The following SEC24B variants were observed in gnomAD, a reference collection of about 807,000 sequenced individuals.
The protein encoded by SEC24B is protein transport protein Sec24B.
SEC24B carries 45 observed loss-of-function variants against 142.8 expected under a neutral mutation model. The observed-to-expected ratio is 0.32, with a 90% CI of 0.25 to 0.40. The LOEUF is 0.40. Ranked by LOEUF, SEC24B falls within the 10% of genes least tolerant of loss-of-function variation. SEC24B has a pLI of 1.00. For missense variants in SEC24B, 1,409 were observed against 1,526.8 expected (o/e 0.92, Z 1.29); for synonymous variants, 574 against 568.2 (o/e 1.01, Z -0.15).
rs1364748887 is a variant in SEC24B, at chr4:109,530,383, C to T, written c.3171C>T (p.Val1057=). Residue 1057 remains valine, a synonymous_variant, in exon 19 of 24, where the codon GTC becomes GTT. Coordinates refer to ENST00000265175, the MANE Select transcript of SEC24B (RefSeq NM_006323.5). ...CATTGTCTGCATATGGCTCAACTGT[C>T]TCAAATTTACAGCACTCTGCATTGA... ...VDSLSAYGST[V]SNLQHSALMA... is the part of the protein sequence containing the mutation. 5 of 1,614,134 alleles carry T rather than the reference C, an allele frequency of 3.1e-6. No homozygotes were observed. In the African/African-American group the frequency reaches 6.7e-5, roughly 22 times the overall value.
rs561827040 is a variant in SEC24B at position 109,473,098 on chromosome 4, C to G, written c.972C>G (p.Ser324=). The G allele has an allele frequency of 6.9e-6, 11 of 1,601,878 alleles. No homozygotes were observed. Among genetic ancestry groups the G allele is most frequent in the East Asian group, 2.3e-5 (1 of 43,818 alleles). The change falls in exon 3 of 24, where the codon TCC becomes TCG. Residue 324 remains serine (S), a synonymous_variant. Coordinates refer to ENST00000265175, the MANE Select transcript of SEC24B (RefSeq NM_006323.5). ...CTGTTTTATCAGGATCCTCAGGATC[C>G]TCATCAACAAGAACACCTCCCACTG... ...VSTVLSGSSG[S]SSTRTPPTAN... is the part of the protein sequence containing the mutation.
chr4:109,491,350 A>T lies in SEC24B; in HGVS notation c.1189A>T (p.Ser397Cys). Residue 397 changes from serine to cysteine, a missense_variant, in exon 5 of 24, where the codon AGC becomes TGC. This residue lies in a region of SEC24B where 709 missense variants were observed against 673.5 expected (regional missense o/e 1.05). Transcript: ENST00000265175. ...EAGVDSSSTT[S>C]SASPMPNSYD... ...AGGTGTTGACAGCTCTTCTACCACA[A>T]GCAGTGCTTCTCCAATGCCCAACAG... 1.9e-6 allele frequency: 3 copies of T among 1,613,674 alleles called. No homozygotes were observed. Among genetic ancestry groups the T allele is most frequent in the Non-Finnish European group, 2.5e-6 (3 of 1,179,664 alleles).
At chr4:109,519,030 C>T (rs1216821239) in intron 11 of SEC24B, among the ~76,000 whole-genome samples, 1 of 152,074 alleles carries the variant, frequency 6.6e-6, no homozygotes, top group Non-Finnish European at 1.5e-5. Flanking sequence ...TGATCTCGAA[C>T]TCCTGAGCTC....
chr4:109,510,110 C>T lies in SEC24B; in HGVS notation c.1775C>T (p.Thr592Met), dbSNP rs765853169. 29 of 1,548,132 alleles carry T rather than the reference C, an allele frequency of 1.9e-5. No individual in the cohort carries two copies. The highest frequency in any genetic ancestry group is 4.6e-5 in the East Asian group (2 of 43,628). The change falls in exon 8 of 24, where the codon ACG becomes ATG. Residue 592 changes from threonine (T) to methionine (M), a missense_variant and splice_region_variant. Physicochemically the swap from Thr to Met is moderately conservative, Grantham distance 81. Transcript: ENST00000265175. ...GLLLHPFRDLTQLPVITSNTI... is the reference protein window; with the variant it reads ...GLLLHPFRDLMQLPVITSNTI... ...TTGTTACATCCCTTCAGAGACCTAA[C>T]GGTAAAGTAACATTTTATAATATTT...
intron 1 of SEC24B, among the ~76,000 whole-genome samples, chr4:109,439,665 C>G (rs550857825): frequency 2.7e-5 from 4 of 150,234 alleles, no homozygotes; most frequent in African/African-American, 9.7e-5. Context: ...CCATGCCTGG[C>G]TAATTTTGTA....
intron 5 of SEC24B, among the ~76,000 whole-genome samples, chr4:109,492,232 G>A (rs1735095404): frequency 6.6e-6 from 1 of 151,016 alleles, no homozygotes; most frequent in African/African-American, 2.4e-5. Context: ...GCTCAGTATG[G>A]AATTCCCTTG....
intron 1 of SEC24B, among the ~76,000 whole-genome samples, chr4:109,457,660 G>C (rs955661236): frequency 6.6e-6 from 1 of 152,012 alleles, no homozygotes; most frequent in Admixed American, 6.5e-5. Context: ...TAGCAGTCAT[G>C]CTCCTTCTGT....
intron 16 of SEC24B, 147 bp from the exon 17 acceptor site, chr4:109,526,076 ATTT>A: frequency 1.5e-6 from 1 of 684,014 alleles, no homozygotes; most frequent in Non-Finnish European, 2.4e-6. Flanking sequence ...TTGAATTAAT[ATTT>A]TAGAAACTCT....
At chr4:109,499,488 C>T (rs1407005010) in intron 6 of SEC24B, among the ~76,000 whole-genome samples, 2 of 152,032 alleles carry the variant, frequency 1.3e-5, no homozygotes, top group Admixed American at 6.6e-5. Context: ...AAAAAAAAAT[C>T]CTTGTGTGTG....
intron 11 of SEC24B, among the ~76,000 whole-genome samples, chr4:109,517,861 A>G (rs1332247948): frequency 6.6e-6 from 1 of 152,194 alleles, no homozygotes; most frequent in Non-Finnish European, 1.5e-5. Flanking sequence ...TGATGACAGA[A>G]TGAGCTGGTT....
chr4:109,463,064 A>T lies in SEC24B; in HGVS notation c.297A>T (p.Thr99=), dbSNP rs776730930. The T allele has an allele frequency of 6.2e-7, 1 of 1,614,166 alleles. No individual in the cohort carries two copies. Among genetic ancestry groups the T allele is most frequent in the East Asian group, 2.2e-5 (1 of 44,882 alleles). Residue 99 remains threonine (T), a synonymous_variant, in exon 2 of 24, where the codon ACA becomes ACT. Transcript: ENST00000265175. Reference sequence around the variant, plus strand: ...ACTCTGCTCTCTATACAGTACCAACACAAAATGTGACTCCTAACACAGTGA... The same window carrying T: ...ACTCTGCTCTCTATACAGTACCAACTCAAAATGTGACTCCTAACACAGTGA... ...DYYSALYTVP[T]QNVTPNTVNQ... is the part of the protein sequence containing the mutation.
At chr4:109,442,869 C>T (rs1019556656) in intron 1 of SEC24B, among the ~76,000 whole-genome samples, 1 of 152,084 alleles carries the variant, frequency 6.6e-6, no homozygotes, top group Non-Finnish European at 1.5e-5. Context: ...TTATATTACT[C>T]ATTTATCAAT....
chr4:109,481,423 A>C lies in SEC24B; in HGVS notation c.1061-254A>C, dbSNP rs78170729. Among the ~76,000 whole-genome samples the C allele has an allele frequency of 1.6e-3, 241 of 152,292 alleles. 3 individuals carry two copies. In the East Asian group the frequency reaches 0.041, roughly 26 times the overall value. On this transcript the variant is annotated intron_variant, in intron 3 of 23. Transcript: ENST00000265175. Reference sequence around the variant, plus strand: ...TATTATTGCAGCTTCCTAAATACTAACTGTTTTGGACAATACATGATAGAT... The same window carrying C: ...TATTATTGCAGCTTCCTAAATACTACCTGTTTTGGACAATACATGATAGAT...
At chr4:109,535,213 T>A (rs978068431) in intron 22 of SEC24B, among the ~76,000 whole-genome samples, 9 of 152,316 alleles carry the variant, frequency 5.9e-5, no homozygotes, top group African/African-American at 2.2e-4. Context: ...TTTAACTGTT[T>A]GAGGAACTGC....
chr4:109,531,237 A>G (rs1240338698), intron 19 of SEC24B, 148 bp from the exon 20 acceptor site: 5 of 632,878 alleles, frequency 7.9e-6, no homozygotes, highest in Non-Finnish European at 1.3e-5. Context: ...AGCATCACAT[A>G]CCTATTAAAT....
intron 4 of SEC24B, among the ~76,000 whole-genome samples, 198 bp from the exon 5 acceptor site, chr4:109,491,129 T>C (rs1022626880): frequency 1.3e-5 from 2 of 152,164 alleles, no homozygotes; most frequent in Admixed American, 1.3e-4. Context: ...CAGCTTCATA[T>C]TCTCTCCACT....
At chr4:109,504,996 A>G (rs1736534773) in intron 6 of SEC24B, among the ~76,000 whole-genome samples, 1 of 152,162 alleles carries the variant, frequency 6.6e-6, no homozygotes, top group South Asian at 2.1e-4. Flanking sequence ...TATTTACAAC[A>G]GTATATATGT....
intron 7 of SEC24B, among the ~76,000 whole-genome samples, chr4:109,509,678 G>GAAAA (rs1020221678): frequency 4.3e-5 from 2 of 46,354 alleles, no homozygotes; most frequent in Non-Finnish European, 6.0e-5. Flanking sequence ...CTCCATCTCA[G>GAAAA]AAAAAAAAAA....
At chr4:109,440,254 C>T (rs1728820164) in intron 1 of SEC24B, among the ~76,000 whole-genome samples, 1 of 152,126 alleles carries the variant, frequency 6.6e-6, no homozygotes, top group Admixed American at 6.6e-5. Context: ...CCCTTCCTCT[C>T]CCCCCAAGTT....
Sources: gnomAD v4.1 joint callset for allele counts (sites outside exome capture counted in the v4.1 genomes callset) on GRCh38, gnomAD v4.1.1 for gene constraint, gnomAD v4.1.1 regional missense constraint, MANE v1.5 for transcripts, NCBI Gene and HGNC (gene_info 2026-07-23, HGNC 2026-07-21) for gene names.